Variants in TRDN observed in about 807,000 individuals in gnomAD.
TRDN encodes the protein triadin in skeletal muscle.
Under a neutral mutation model 149.7 loss-of-function variants are expected in TRDN, and 161 were observed. That is an observed-to-expected ratio of 1.08 (90% CI 0.95 to 1.23). The LOEUF (loss-of-function observed/expected upper bound fraction) is 1.23, where lower values mean the gene tolerates loss of function less well. TRDN is among the 50% of genes most tolerant of loss of function. The pLI, the probability that TRDN is intolerant of heterozygous loss-of-function variation, is 0.00. For missense variants in TRDN, 896 were observed against 823.5 expected, an observed-to-expected ratio of 1.09 and a Z score of -1.08; for synonymous variants, 294 against 250.5, an observed-to-expected ratio of 1.17 and a Z score of -1.64.
chr6:123,424,400 G>T (rs977469267), intron 12 of TRDN, among the ~76,000 whole-genome samples: 1 of 151,816 alleles, frequency 6.6e-6, no homozygotes. Context: ...TTGAAGTCAC[G>T]GCTCTTTTCA....
intron 12 of TRDN, among the ~76,000 whole-genome samples, chr6:123,415,707 G>A (rs1296588120): frequency 6.6e-6 from 1 of 152,094 alleles, no homozygotes; most frequent in Non-Finnish European, 1.5e-5. Flanking sequence ...TAAGAAAGAA[G>A]ACCTAATAAA....
At chr6:123,505,313 C>T (rs1324219715) in intron 7 of TRDN, among the ~76,000 whole-genome samples, 1 of 149,324 alleles carries the variant, frequency 6.7e-6, no homozygotes, top group East Asian at 2.0e-4. Context: ...GACTTTGGTA[C>T]CCTAAATGAT....
At chr6:123,567,065 C>T (rs1206326780) in intron 2 of TRDN, among the ~76,000 whole-genome samples, 7 of 152,074 alleles carry the variant, frequency 4.6e-5, no homozygotes, top group African/African-American at 1.7e-4. Flanking sequence ...TGGGCAATGC[C>T]TATGTTACTG....
chr6:123,450,567 T>C (rs969048818), intron 10 of TRDN, among the ~76,000 whole-genome samples: 38 of 152,082 alleles, frequency 2.5e-4, no homozygotes, highest in Admixed American at 2.5e-3. Context: ...TAAATATATA[T>C]GCACCTAACA....
At chr6:123,507,916 A>G (rs1313093790) in intron 7 of TRDN, among the ~76,000 whole-genome samples, 3 of 152,162 alleles carry the variant, frequency 2.0e-5, no homozygotes, top group Non-Finnish European at 4.4e-5. Context: ...GAGTTAGAAA[A>G]TAACAAATTT....
At chr6:123,351,936 G>A in intron 21 of TRDN, 1 of 983,042 alleles carries the variant, frequency 1.0e-6, no homozygotes, top group South Asian at 4.7e-5. Context: ...CTCAAGCAGA[G>A]TCTGGAGTGA....
intron 30 of TRDN, among the ~76,000 whole-genome samples, chr6:123,270,320 T>A (rs1236889696): frequency 6.6e-6 from 1 of 152,032 alleles, no homozygotes; most frequent in Non-Finnish European, 1.5e-5. Flanking sequence ...TAAACTAGTC[T>A]ATAATTTCTA....
At chr6:123,502,333 T>C in intron 8 of TRDN, 2 of 808,788 alleles carry the variant, frequency 2.5e-6, no homozygotes, top group Non-Finnish European at 1.5e-6. Flanking sequence ...TAATTAACTT[T>C]TAAATTTTTT....
intron 1 of TRDN, among the ~76,000 whole-genome samples, chr6:123,635,742 G>A (rs1014664528): frequency 2.0e-5 from 3 of 151,844 alleles, no homozygotes; most frequent in African/African-American, 7.3e-5. Context: ...CATTTAACTT[G>A]GAAGTTGTTA....
At chr6:123,296,791 T>C (rs1053686142) in intron 24 of TRDN, among the ~76,000 whole-genome samples, 6 of 152,036 alleles carry the variant, frequency 3.9e-5, no homozygotes, top group Non-Finnish European at 8.8e-5. Context: ...TGATGTGTGT[T>C]AATATTATTT....
chr6:123,262,872 TTGAGACTC>T (rs1479645041), intron 33 of TRDN, among the ~76,000 whole-genome samples: 1 of 152,062 alleles, frequency 6.6e-6, no homozygotes, highest in African/African-American at 2.4e-5. Flanking sequence ...AATGTGTGTA[TTGAGACTC>T]TCATTCACCA....
chr6:123,424,654 G>A (rs772836343), intron 12 of TRDN, among the ~76,000 whole-genome samples: 21 of 152,088 alleles, frequency 1.4e-4, no homozygotes, highest in Non-Finnish European at 1.9e-4. Context: ...AAGAAATTTC[G>A]TCAAATAACA....
intron 2 of TRDN, among the ~76,000 whole-genome samples, chr6:123,568,313 G>A (rs1274927985): frequency 6.6e-6 from 1 of 152,324 alleles, no homozygotes; most frequent in Non-Finnish European, 1.5e-5. Flanking sequence ...AGCTTTTCTA[G>A]GTGCAGGGTG....
At chr6:123,221,453 T>C (rs1187968988) in intron 40 of TRDN, 34 bp downstream of exon 40, 6 of 1,472,978 alleles carry the variant, frequency 4.1e-6, no homozygotes, top group South Asian at 2.4e-5. Flanking sequence ...TAATACAGAA[T>C]GATTTATTAC....
At chr6:123,373,706 A>G (rs1260249214) in intron 19 of TRDN, among the ~76,000 whole-genome samples, 1 of 152,132 alleles carries the variant, frequency 6.6e-6, no homozygotes, top group Non-Finnish European at 1.5e-5. Context: ...TAAATTCAAC[A>G]TTATGGAATT....
chr6:123,371,558 C>T (rs1228939658), intron 19 of TRDN, among the ~76,000 whole-genome samples: 1 of 152,112 alleles, frequency 6.6e-6, no homozygotes, highest in Non-Finnish European at 1.5e-5. Context: ...CTTTTAAATA[C>T]TAAAATTTAT....
At chr6:123,382,227 A>G (rs914634981) in intron 14 of TRDN, 80 bp from the exon 15 acceptor site, 9 of 929,724 alleles carry the variant, frequency 9.7e-6, no homozygotes, top group Non-Finnish European at 1.4e-5. Context: ...ATTTCTATAA[A>G]CAATCAAATA....
chr6:123,540,644 G>A (rs1406120486), intron 4 of TRDN, among the ~76,000 whole-genome samples: 3 of 152,154 alleles, frequency 2.0e-5, no homozygotes, highest in East Asian at 1.9e-4. Flanking sequence ...CTCAGCCTCC[G>A]AGTAGCTGGG....
intron 24 of TRDN, among the ~76,000 whole-genome samples, chr6:123,304,247 A>C (rs1988394): frequency 0.71 from 102,681 of 144,624 alleles, 36,515 homozygotes; most frequent in East Asian, 0.89. Flanking sequence ...ATTTTCTTTT[A>C]TTTTCTTTTT....
Sources: gnomAD v4.1 joint callset for allele counts (sites outside exome capture counted in the v4.1 genomes callset) on GRCh38, gnomAD v4.1.1 for gene constraint, MANE v1.5 for transcripts, NCBI Gene and HGNC (gene_info 2026-07-23, HGNC 2026-07-21) for gene names.